The following CCDC81 variants were observed in gnomAD, a reference collection of about 807,000 sequenced individuals.
CCDC81 encodes coiled-coil domain containing 81, also known as coiled-coil domain-containing protein 81.
CCDC81 carries 79 observed loss-of-function variants against 83.7 expected under a neutral mutation model. The observed-to-expected ratio is 0.94, with a 90% CI of 0.79 to 1.14. The LOEUF (loss-of-function observed/expected upper bound fraction) is 1.14. Among genes scored for constraint, CCDC81 ranks in the 50% most tolerant of loss-of-function variants. CCDC81 has a pLI of 0.00. For missense variants in CCDC81, 791 were observed against 778.1 expected (o/e 1.02, Z -0.20); for synonymous variants, 252 against 278.1 (o/e 0.91, Z 0.93).
Position 86,408,136 on chromosome 11 carries a change from T to A in CCDC81, c.979T>A (p.Tyr327Asn). The A allele has an allele frequency of 6.2e-7, 1 of 1,610,826 alleles. No individual in the cohort carries two copies. The highest frequency in any genetic ancestry group is 8.5e-7 in the Non-Finnish European group (1 of 1,179,306). Residue 327 changes from tyrosine to asparagine, a missense_variant, in exon 9 of 15, where the codon TAT (tyrosine) becomes AAT (asparagine). Physicochemically the swap from Tyr to Asn is moderately radical, Grantham distance 143. Coordinates refer to ENST00000445632, the MANE Select transcript of CCDC81 (RefSeq NM_001156474.2). ...AAATTTGGGATTGTAGGAAATGTGCTATGTATGTTTGCAACGAGCACAACG... is the reference window on the plus strand; with the variant it reads ...AAATTTGGGATTGTAGGAAATGTGCAATGTATGTTTGCAACGAGCACAACG... Reference protein sequence around the residue: ...DHNKAGQEMCYVCLQRAQRNS... With the variant: ...DHNKAGQEMCNVCLQRAQRNS...
intron 1 of CCDC81, among the ~76,000 whole-genome samples, chr11:86,382,542 G>GA (rs1321130653): frequency 1.3e-5 from 2 of 152,142 alleles, no homozygotes; most frequent in Non-Finnish European, 2.9e-5. Flanking sequence ...TGGGCAAGTT[G>GA]AAGGGCCTTT....
At position 86,415,219 on chromosome 11, in the gene CCDC81, CT is replaced by C; in HGVS notation, c.1598del (p.Leu533ArgfsTer16). 6.2e-7 allele frequency: 1 copy of C among 1,614,192 alleles called. No homozygotes were observed. Among genetic ancestry groups the C allele is most frequent in the East Asian group, 2.2e-5 (1 of 44,876 alleles). ...KREQNYMKHQ[L>X]EAAANHKRKA... ...AGAACAAAATTACATGAAACACCAG[CT>C]GGAGGCAGCTGCTAACCACAAGAGG... On this transcript the variant is annotated frameshift_variant, in exon 13 of 15. Coordinates refer to ENST00000445632, the MANE Select transcript of CCDC81 (RefSeq NM_001156474.2). LOFTEE classifies it high-confidence loss of function.
At chr11:86,404,667 A>G (rs1172608072) in intron 7 of CCDC81, among the ~76,000 whole-genome samples, 2 of 152,368 alleles carry the variant, frequency 1.3e-5, no homozygotes, top group South Asian at 2.1e-4. Context: ...TACAGAATAT[A>G]GAATAAGATG....
Position 86,412,414 on chromosome 11 carries a change from C to G in CCDC81, c.1246C>G (p.Leu416Val). 6.2e-7 allele frequency: 1 copy of G among 1,605,038 alleles called. No individual in the cohort carries two copies. Among genetic ancestry groups the G allele is most frequent in the Non-Finnish European group, 8.5e-7 (1 of 1,177,298 alleles). The change falls in exon 11 of 15, where the codon CTC (leucine) becomes GTC (valine). Residue 416 changes from leucine (L) to valine (V), a missense_variant. Physicochemically the swap from Leu to Val is conservative, Grantham distance 32. Coordinates refer to ENST00000445632, the MANE Select transcript of CCDC81 (RefSeq NM_001156474.2). ...YKSFLFDKRP[L>V]SPALNALKQE... Reference sequence around the variant, plus strand: ...ATCCTTCCTATTTGACAAACGGCCACTCAGTCCTGCGCTTAATGCTCTTAA... The same window carrying G: ...ATCCTTCCTATTTGACAAACGGCCAGTCAGTCCTGCGCTTAATGCTCTTAA...
intron 6 of CCDC81, among the ~76,000 whole-genome samples, chr11:86,399,971 A>C (rs1011103008): frequency 2.6e-5 from 4 of 151,368 alleles, no homozygotes; most frequent in South Asian, 4.2e-4. Flanking sequence ...ACTACTACAA[A>C]AAAAAAAAAG....
At chr11:86,399,851 G>A (rs1185587111) in intron 6 of CCDC81, among the ~76,000 whole-genome samples, 1 of 151,986 alleles carries the variant, frequency 6.6e-6, no homozygotes, top group Non-Finnish European at 1.5e-5. Context: ...GGCTGGGCAT[G>A]GTGGCTCACG....
At chr11:86,395,233 A>G (rs1948388395) in intron 4 of CCDC81, 101 bp from the exon 5 acceptor site, 2 of 823,748 alleles carry the variant, frequency 2.4e-6, no homozygotes, top group African/African-American at 1.7e-5. Flanking sequence ...CAACAACAAG[A>G]AAAGTATCGT....
intron 1 of CCDC81, among the ~76,000 whole-genome samples, chr11:86,383,557 G>A (rs1238670054): frequency 6.6e-6 from 1 of 152,176 alleles, no homozygotes; most frequent in Non-Finnish European, 1.5e-5. Context: ...ACTGAATATA[G>A]AGTATATGTC....
chr11:86,405,788 T>C (rs1394787203), intron 7 of CCDC81, among the ~76,000 whole-genome samples: 1 of 147,532 alleles, frequency 6.8e-6, no homozygotes, highest in East Asian at 1.9e-4. Flanking sequence ...CTTTTTTCTT[T>C]TTTTTTTTTT....
rs1324896308 is a variant in CCDC81 at position 86,422,711 on chromosome 11, T to C, written c.1955T>C (p.Val652Ala). 1 of 1,612,290 alleles carries C rather than the reference T, an allele frequency of 6.2e-7. No individual in the cohort carries two copies. The highest frequency in any genetic ancestry group is 8.5e-7 in the Non-Finnish European group (1 of 1,178,572). ...TTCCTGCCTGGCTCCCGGTTGCTTG[T>C]GTAAAACTCAAAGTTTGGCTCTTCG... ...NKFLPGSRLLV is the reference protein window; with the variant it reads ...NKFLPGSRLLA Residue 652 changes from valine (V) to alanine (A), a missense_variant, in exon 15 of 15, where the codon GTG becomes GCG. By Grantham distance (64) the Val-to-Ala change is moderately conservative. Coordinates refer to ENST00000445632, the MANE Select transcript of CCDC81 (RefSeq NM_001156474.2).
In CCDC81 at chr11:86,377,968, C is replaced by CTTTTTTTTTTTTTTTTTT. The variant is rs61157417; in HGVS notation, c.79+2731_79+2748dup. On this transcript the variant is annotated intron_variant, in intron 1 of 14. Coordinates refer to ENST00000445632, the MANE Select transcript of CCDC81 (RefSeq NM_001156474.2). ...AAGGTGTAAGGTCTGTGCCTAGGTT[C>CTTTTTTTTTTTTTTTTTT]TTTTTTTTTTTTTTTTTTTTTTGCA... is the stretch of plus-strand genomic sequence containing the variant. Among the ~76,000 whole-genome samples, 8 of 73,350 alleles carry CTTTTTTTTTTTTTTTTTT rather than the reference C, an allele frequency of 1.1e-4. 1 individual carries two copies. Among genetic ancestry groups the CTTTTTTTTTTTTTTTTTT allele is most frequent in the Admixed American group, 4.5e-4 (2 of 4,428 alleles). The allele number at this position is 73,350 out of a possible 152,430, so 48.1% of individuals were successfully genotyped here. A position where few individuals can be genotyped will look rare whatever the true frequency, so the allele number is the denominator to read the frequency against.
At chr11:86,376,028 A>T (rs939591295) in intron 1 of CCDC81, among the ~76,000 whole-genome samples, 7 of 152,338 alleles carry the variant, frequency 4.6e-5, no homozygotes, top group African/African-American at 1.7e-4. Context: ...ATAATGGCTT[A>T]ATGAATTTAA....
At chr11:86,402,642 G>C (rs528529799) in intron 7 of CCDC81, among the ~76,000 whole-genome samples, 1 of 152,134 alleles carries the variant, frequency 6.6e-6, no homozygotes, top group Non-Finnish European at 1.5e-5. Flanking sequence ...TCAGAGATAA[G>C]AGGTGAGTCC....
intron 1 of CCDC81, among the ~76,000 whole-genome samples, chr11:86,382,255 G>A (rs904659719): frequency 1.3e-5 from 2 of 152,144 alleles, no homozygotes; most frequent in African/African-American, 2.4e-5. Context: ...GGAGGGTCAA[G>A]AATACCTATA....
In CCDC81 at chr11:86,422,558, G is replaced by GCTCTC. The variant is rs1565774321; in HGVS notation, c.1818-7_1818-3dup. 5.6e-6 allele frequency: 9 copies of GCTCTC among 1,606,390 alleles called. No homozygotes were observed. Among genetic ancestry groups the GCTCTC allele is most frequent in the Non-Finnish European group, 6.8e-6 (8 of 1,174,644 alleles). On this transcript the variant is annotated splice_polypyrimidine_tract_variant and intron_variant, in intron 14 of 14. Coordinates refer to ENST00000445632, the MANE Select transcript of CCDC81 (RefSeq NM_001156474.2). ...TCCAGGAACCTGCTGATCGGCATTT[G>GCTCTC]CTCTCCTCTCCTCAGGGCTTCAGAC...
At chr11:86,396,307 A>ACTATT (rs1432226966) in intron 5 of CCDC81, among the ~76,000 whole-genome samples, 1 of 152,234 alleles carries the variant, frequency 6.6e-6, no homozygotes, top group African/African-American at 2.4e-5. Flanking sequence ...TGAATGAAGC[A>ACTATT]ACATGGTGCA....
chr11:86,414,174 A>G (rs567230037), intron 11 of CCDC81, among the ~76,000 whole-genome samples: 52 of 152,282 alleles, frequency 3.4e-4, no homozygotes, highest in African/African-American at 1.2e-3. Flanking sequence ...TTTTAAAAGA[A>G]CTGGTGGGTG....
rs1948122720 is a variant in CCDC81 at position 86,378,017 on chromosome 11, A to C, written c.79+2775A>C. ...CATGTGGATGTCCAGTTGTTCTAGC[A>C]ATGTTTGTTTAAAAGACTATCTGCT... is the stretch of plus-strand genomic sequence containing the variant. On this transcript the variant is annotated intron_variant, in intron 1 of 14. Transcript: ENST00000445632. 4.5e-5 allele frequency among the ~76,000 whole-genome samples: 4 copies of C among 88,124 alleles called. No individual in the cohort carries two copies. The South Asian group carries it at 1.6e-3, about 35-fold the overall frequency. 57.8% of individuals were successfully genotyped at this position (88,124 alleles called of 152,430 possible).
intron 4 of CCDC81, among the ~76,000 whole-genome samples, chr11:86,393,053 T>C (rs1261078681): frequency 1.3e-5 from 2 of 152,218 alleles, no homozygotes; most frequent in Non-Finnish European, 2.9e-5. Flanking sequence ...CATTTTATAG[T>C]ACCTTATAGG....
Sources: allele counts gnomAD v4.1 joint callset (sites outside exome capture counted in the v4.1 genomes callset), GRCh38; gene constraint gnomAD v4.1.1; transcripts MANE v1.5; gene names NCBI Gene and HGNC (gene_info 2026-07-23, HGNC 2026-07-21).